ZFAND3: variants seen among roughly 807,000 people sequenced by gnomAD.
ZFAND3 encodes the protein zinc finger AN1-type containing 3.
In ZFAND3, 10 loss-of-function variants were observed where a neutral mutation model predicts 29.6. The observed-to-expected ratio is 0.34, with a 90% CI of 0.21 to 0.57. The LOEUF (loss-of-function observed/expected upper bound fraction) is 0.57, where lower values mean the gene tolerates loss of function less well. ZFAND3 is among the 20% of genes least tolerant of loss of function. ZFAND3 has a pLI of 0.86. For synonymous variants in ZFAND3, 128 were observed against 112.6 expected, an observed-to-expected ratio of 1.14 and a Z score of -0.87; for missense variants, 230 against 304.5, an observed-to-expected ratio of 0.76 and a Z score of 1.82.
intron 3 of ZFAND3, among the ~76,000 whole-genome samples, chr6:38,081,207 C>T (rs952678325): frequency 6.6e-6 from 1 of 151,608 alleles, no homozygotes; most frequent in Non-Finnish European, 1.5e-5. Context: ...TGTGTGGTGA[C>T]ACATAGTAGG....
intron 4 of ZFAND3, among the ~76,000 whole-genome samples, chr6:38,106,577 TTTCTC>T (rs1765214178): frequency 6.6e-6 from 1 of 152,216 alleles, no homozygotes; most frequent in Admixed American, 6.5e-5. Context: ...TTGTCTGACT[TTTCTC>T]TCATCTACTT....
chr6:38,053,846 G>A (rs1764080393), intron 2 of ZFAND3, among the ~76,000 whole-genome samples: 1 of 152,128 alleles, frequency 6.6e-6, no homozygotes, highest in Non-Finnish European at 1.5e-5. Flanking sequence ...TAAGAAGGGA[G>A]AATGTGAAGT....
chr6:37,954,100 G>T, intron 2 of ZFAND3, among the ~76,000 whole-genome samples: 1 of 151,812 alleles, frequency 6.6e-6, no homozygotes, highest in East Asian at 1.9e-4. Flanking sequence ...CTTTATTTTT[G>T]TTCCTCCATA....
chr6:38,038,714 C>G (rs1763705868), intron 2 of ZFAND3, among the ~76,000 whole-genome samples: 1 of 152,128 alleles, frequency 6.6e-6, no homozygotes, highest in South Asian at 2.1e-4. Context: ...TCTACCTTTT[C>G]ATGGTCAGTA....
chr6:38,142,455 G>GT, intron 5 of ZFAND3: 1 of 426,838 alleles, frequency 2.3e-6, no homozygotes, highest in Non-Finnish European at 4.8e-6. Flanking sequence ...GGCCCAGGCT[G>GT]TGTCTTCAGC....
At chr6:38,128,631 G>T (rs963106844) in intron 5 of ZFAND3, among the ~76,000 whole-genome samples, 1 of 152,058 alleles carries the variant, frequency 6.6e-6, no homozygotes, top group Non-Finnish European at 1.5e-5. Flanking sequence ...ATAGTCTCCA[G>T]TGTCATCCAG....
At chr6:38,082,901 G>A (rs1400096355) in intron 4 of ZFAND3, among the ~76,000 whole-genome samples, 1 of 152,120 alleles carries the variant, frequency 6.6e-6, no homozygotes, top group South Asian at 2.1e-4. Flanking sequence ...TGGATATACT[G>A]AAATTTCTCT....
chr6:37,853,428 A>T (rs1207984336), intron 1 of ZFAND3, among the ~76,000 whole-genome samples: 2 of 151,572 alleles, frequency 1.3e-5, no homozygotes, highest in Non-Finnish European at 2.9e-5. Flanking sequence ...AAAAAAAAAA[A>T]AAAAAAGAAG....
intron 3 of ZFAND3, among the ~76,000 whole-genome samples, chr6:38,079,539 T>C (rs1159640745): frequency 1.3e-5 from 2 of 152,148 alleles, no homozygotes; most frequent in Non-Finnish European, 2.9e-5. Flanking sequence ...TATGTAAATA[T>C]GTGTTAATTC....
intron 2 of ZFAND3, among the ~76,000 whole-genome samples, chr6:38,041,647 T>TTCTTCTTCC (rs1561976655): frequency 1.6e-4 from 3 of 18,488 alleles, no homozygotes; most frequent in Non-Finnish European, 2.0e-4. Context: ...CTTCTTCTTC[T>TTCTTCTTCC]TCTTCTTCTT....
chr6:38,036,243 A>G (rs1158986529), intron 2 of ZFAND3, among the ~76,000 whole-genome samples: 1 of 152,220 alleles, frequency 6.6e-6, no homozygotes, highest in Non-Finnish European at 1.5e-5. Flanking sequence ...CCCAGGGGTG[A>G]CCCCTAAGAA....
chr6:38,017,049 G>A (rs541180580), intron 2 of ZFAND3, among the ~76,000 whole-genome samples: 1 of 152,304 alleles, frequency 6.6e-6, no homozygotes, highest in South Asian at 2.1e-4. Flanking sequence ...GGAAGTGGAA[G>A]TATACATTGC....
intron 4 of ZFAND3, among the ~76,000 whole-genome samples, chr6:38,093,829 G>A (rs1287936172): frequency 2.6e-5 from 4 of 152,116 alleles, no homozygotes. Context: ...CTAGCAAATA[G>A]TGGTGGTTGG....
intron 5 of ZFAND3, among the ~76,000 whole-genome samples, chr6:38,131,714 C>G (rs541928396): frequency 5.0e-4 from 76 of 152,350 alleles, no homozygotes; most frequent in African/African-American, 1.8e-3. Context: ...ACATGATGCT[C>G]TGTAACTTCC....
intron 1 of ZFAND3, among the ~76,000 whole-genome samples, chr6:37,873,780 G>A (rs1472116001): frequency 6.6e-6 from 1 of 152,180 alleles, no homozygotes; most frequent in Non-Finnish European, 1.5e-5. Context: ...TGGGCCACAA[G>A]CTCTCTGTTG....
intron 2 of ZFAND3, among the ~76,000 whole-genome samples, chr6:38,046,484 CAA>C (rs1763907383): frequency 6.6e-6 from 1 of 152,180 alleles, no homozygotes; most frequent in African/African-American, 2.4e-5. Flanking sequence ...TAGTTATACC[CAA>C]TTTCACTTGT....
At chr6:38,045,769 A>G (rs1261578047) in intron 2 of ZFAND3, among the ~76,000 whole-genome samples, 1 of 152,220 alleles carries the variant, frequency 6.6e-6, no homozygotes, top group Admixed American at 6.5e-5. Flanking sequence ...ACAAAGGGAA[A>G]ATACAGATTG....
intron 2 of ZFAND3, among the ~76,000 whole-genome samples, chr6:37,948,572 T>C (rs1010537563): frequency 6.6e-6 from 1 of 152,230 alleles, no homozygotes. Context: ...GTGATAAGCA[T>C]AGTACCCAAT....
chr6:37,986,025 A>G (rs895748303), intron 2 of ZFAND3, among the ~76,000 whole-genome samples: 1 of 152,228 alleles, frequency 6.6e-6, no homozygotes, highest in African/African-American at 2.4e-5. Context: ...GGACATTTGT[A>G]TTTTAAAAGG....
Sources: allele counts gnomAD v4.1 joint callset (sites outside exome capture counted in the v4.1 genomes callset), GRCh38; gene constraint gnomAD v4.1.1; transcripts MANE v1.5; gene names NCBI Gene and HGNC (gene_info 2026-07-23, HGNC 2026-07-21).